MRPL50: variants seen among roughly 807,000 people sequenced by gnomAD.
MRPL50 encodes the protein large ribosomal subunit protein mL50.
In MRPL50, 10 loss-of-function variants were observed where a neutral mutation model predicts 16.2. That is an observed-to-expected ratio of 0.62 (90% CI 0.38 to 1.05). The LOEUF is 1.05. Ranked by LOEUF, MRPL50 falls within the 50% of genes least tolerant of loss-of-function variation. MRPL50 has a pLI of 0.01. For synonymous variants in MRPL50, 68 were observed against 66.8 expected, an observed-to-expected ratio of 1.02 and a Z score of -0.09; for missense variants, 213 against 187.1, an observed-to-expected ratio of 1.14 and a Z score of -0.81.
chr9:101,393,426 T>C (rs1830298809), intron 1 of MRPL50, among the ~76,000 whole-genome samples: 1 of 152,106 alleles, frequency 6.6e-6, no homozygotes, highest in Non-Finnish European at 1.5e-5. Flanking sequence ...AGAAGTCAAA[T>C]TGTTCTTATT....
intron 1 of MRPL50, among the ~76,000 whole-genome samples, chr9:101,396,122 C>T (rs1830336705): frequency 6.6e-6 from 1 of 152,088 alleles, no homozygotes; most frequent in Non-Finnish European, 1.5e-5. Context: ...ACCTCATACC[C>T]ATTAGGATGG....
chr9:101,390,096 A>C lies in MRPL50; in HGVS notation c.*370T>G, dbSNP rs1830249721. 2 of 1,011,082 alleles carry C rather than the reference A, an allele frequency of 2.0e-6. No individual in the cohort carries two copies. Among genetic ancestry groups the C allele is most frequent in the African/African-American group, 3.5e-5 (2 of 57,472 alleles). 62.6% of individuals were successfully genotyped at this position (1,011,082 alleles called of 1,614,324 possible). On this transcript the variant is annotated 3_prime_UTR_variant, in exon 2 of 2. Transcript: ENST00000374865. ...TTTATTTGTGTATGTGCAATGCATA[A>C]CTCTATCTTAGATATGAATCCTAAC...
At chr9:101,394,551 G>T (rs1339481217) in intron 1 of MRPL50, among the ~76,000 whole-genome samples, 1 of 152,170 alleles carries the variant, frequency 6.6e-6, no homozygotes, top group East Asian at 1.9e-4. Context: ...CGGGGAGACA[G>T]ATTTGACTAA....
In MRPL50 at chr9:101,389,927, C is replaced by T. The variant is rs41307485; in HGVS notation, c.*539G>A. ...ACTGGAAAGAAATGGCAAGGCAGAG[C>T]GCAAGCAAATTTCACTTAAAAAATT... On this transcript the variant is annotated 3_prime_UTR_variant, in exon 2 of 2. Coordinates refer to ENST00000374865, the MANE Select transcript of MRPL50 (RefSeq NM_019051.3). 7,785 of 824,728 alleles carry T rather than the reference C, an allele frequency of 9.4e-3. 45 individuals are homozygous for T. Among genetic ancestry groups the T allele is most frequent in the Non-Finnish European group, 0.01 (6,966 of 683,528 alleles). The allele number at this position is 824,728 out of a possible 1,614,324, so 51.1% of individuals were successfully genotyped here.
chr9:101,397,863 C>T (rs1327915734), intron 1 of MRPL50, among the ~76,000 whole-genome samples: 3 of 152,138 alleles, frequency 2.0e-5, no homozygotes, highest in Non-Finnish European at 4.4e-5. Flanking sequence ...ATGGTGCAGC[C>T]GTGCAGCAGA....
intron 1 of MRPL50, among the ~76,000 whole-genome samples, chr9:101,391,862 C>T (rs900852545): frequency 3.3e-5 from 5 of 152,042 alleles, no homozygotes; most frequent in East Asian, 1.9e-4. Context: ...CCAACTGCTG[C>T]AGAATACATA....
At position 101,398,370 on chromosome 9, in the gene MRPL50, C is replaced by T. The variant is rs1588151262; in HGVS notation, c.92+131G>A. 3 of 799,216 alleles carry T rather than the reference C, an allele frequency of 3.8e-6. No homozygotes were observed. In the African/African-American group the frequency reaches 5.1e-5, roughly 14 times the overall value. The allele number at this position is 799,216 out of a possible 1,614,324, so 49.5% of individuals were successfully genotyped here. A position where few individuals can be genotyped will look rare whatever the true frequency, so the allele number is the denominator to read the frequency against. ...AATGAGTGCTTCTCAACTCGGGACC[C>T]TAACCGGACCTCCTTGTCCTTGCTC... On this transcript the variant is annotated intron_variant, in intron 1 of 1. Coordinates refer to ENST00000374865, the MANE Select transcript of MRPL50 (RefSeq NM_019051.3).
At position 101,392,200 on chromosome 9, in the gene MRPL50, T is replaced by C. The variant is rs1000846645; in HGVS notation, c.93-1350A>G. 2.0e-5 allele frequency among the ~76,000 whole-genome samples: 3 copies of C among 151,828 alleles called. No individual in the cohort carries two copies. In the East Asian group the frequency reaches 5.8e-4, roughly 29 times the overall value. On this transcript the variant is annotated intron_variant, in intron 1 of 1. Coordinates refer to ENST00000374865, the MANE Select transcript of MRPL50 (RefSeq NM_019051.3). ...AGGGAAGCTTATAGTAATAAACATC[T>C]ACATGAAAAAAGAAAAACTTCACAT...
chr9:101,396,101 A>AAATAAT (rs1830336447), intron 1 of MRPL50, among the ~76,000 whole-genome samples: 1 of 152,214 alleles, frequency 6.6e-6, no homozygotes, highest in Non-Finnish European at 1.5e-5. Flanking sequence ...AAAAAATTAC[A>AAATAAT]AATAAACATC....
intron 1 of MRPL50, among the ~76,000 whole-genome samples, chr9:101,395,870 G>A (rs1049731333): frequency 6.6e-6 from 1 of 152,124 alleles, no homozygotes; most frequent in African/African-American, 2.4e-5. Flanking sequence ...GTAAGTTCTA[G>A]TGTTTGATTT....
intron 1 of MRPL50, among the ~76,000 whole-genome samples, chr9:101,398,031 G>A (rs1293065041): frequency 1.3e-5 from 2 of 152,148 alleles, no homozygotes; most frequent in Non-Finnish European, 2.9e-5. Flanking sequence ...TTTTCCTGCT[G>A]TATCCTAGGC....
In MRPL50 at chr9:101,389,547, G is replaced by C; in HGVS notation, c.*919C>G. The C allele has an allele frequency of 4.6e-6, 5 of 1,091,552 alleles. No homozygotes were observed. The highest frequency in any genetic ancestry group is 6.1e-6 in the Non-Finnish European group (5 of 813,512). 67.6% of individuals were successfully genotyped at this position (1,091,552 alleles called of 1,614,324 possible). A position where few individuals can be genotyped will look rare whatever the true frequency, so the allele number is the denominator to read the frequency against. On this transcript the variant is annotated 3_prime_UTR_variant, in exon 2 of 2. Coordinates refer to ENST00000374865, the MANE Select transcript of MRPL50 (RefSeq NM_019051.3). The stretch of plus-strand genomic sequence containing the variant: ...AAAACCCTTCTATCACTTTTCTTTA[G>C]GAATTGTCAGCAGTCAGAACAATAT...
chr9:101,396,525 T>A lies in MRPL50; in HGVS notation c.92+1976A>T, dbSNP rs77775622. Among the ~76,000 whole-genome samples the A allele has an allele frequency of 6.9e-3, 1,045 of 152,254 alleles. 6 individuals are homozygous for A. Among genetic ancestry groups the A allele is most frequent in the Non-Finnish European group, 0.012 (792 of 68,022 alleles). On this transcript the variant is annotated intron_variant, in intron 1 of 1. Transcript: ENST00000374865. ...CTTGCATATATACACACACAAAAAA[T>A]GGCATTTTATTCAGCCTTAAAAAAG...
At position 101,390,670 on chromosome 9, in the gene MRPL50, C is replaced by T; in HGVS notation, c.273G>A (p.Leu91=). 6.2e-7 allele frequency: 1 copy of T among 1,613,404 alleles called. No homozygotes were observed. Among genetic ancestry groups the T allele is most frequent in the Non-Finnish European group, 8.5e-7 (1 of 1,179,526 alleles). ...GATTGAACTTTAGACGACTATCTTC[C>T]AGGGAGATGTCTTGCCAATTACTAG... ...SLPSNWQDIS[L]EDSRLKFNLL... Residue 91 remains leucine, a synonymous_variant, in exon 2 of 2, where the codon CTG becomes CTA. Transcript: ENST00000374865.
chr9:101,392,076 A>G (rs368804796), intron 1 of MRPL50, among the ~76,000 whole-genome samples: 2 of 152,114 alleles, frequency 1.3e-5, no homozygotes, highest in African/African-American at 4.8e-5. Context: ...CAATGAGTCA[A>G]TGATGAAATT....
intron 1 of MRPL50, among the ~76,000 whole-genome samples, chr9:101,396,222 A>G (rs1830338009): frequency 6.6e-6 from 1 of 152,210 alleles, no homozygotes; most frequent in South Asian, 2.1e-4. Context: ...CATAGCCATT[A>G]TAAAAAACAG....
Position 101,388,823 on chromosome 9 carries a change from T to C in MRPL50, c.*1643A>G, listed in dbSNP as rs1345279143. 2 of 152,182 alleles carry C rather than the reference T, an allele frequency of 1.3e-5. No homozygotes were observed. The highest frequency in any genetic ancestry group is 6.5e-5 in the Admixed American group (1 of 15,270). The allele number at this position is 152,182 out of a possible 1,614,324, so 9.4% of individuals were successfully genotyped here. A position where few individuals can be genotyped will look rare whatever the true frequency, so the allele number is the denominator to read the frequency against. On this transcript the variant is annotated 3_prime_UTR_variant, in exon 2 of 2. Transcript: ENST00000374865. ...AAGATGACTGCATCTGTACTGAATA[T>C]GTATACTTTTTTTCCTTCTCATTAT... is the stretch of plus-strand genomic sequence containing the variant.
Position 101,390,812 on chromosome 9 carries a change from T to C in MRPL50, c.131A>G (p.Glu44Gly), listed in dbSNP as rs1437673954. Residue 44 changes from glutamate (E) to glycine (G), a missense_variant, in exon 2 of 2, where the codon GAG becomes GGG. Coordinates refer to ENST00000374865, the MANE Select transcript of MRPL50 (RefSeq NM_019051.3). ...ACACACTAGGATAGGTTCCTTTTTC[T>C]CTTCTACTGTCTCAACAACCACTGG... is the stretch of plus-strand genomic sequence containing the variant. ...KEPVVVETVE[E>G]KKEPILVCPP... The C allele has an allele frequency of 1.9e-6, 3 of 1,607,850 alleles. No homozygotes were observed. The highest frequency in any genetic ancestry group is 2.5e-6 in the Non-Finnish European group (3 of 1,177,906).
intron 1 of MRPL50, 87 bp downstream of exon 1, chr9:101,398,414 C>T (rs1159015879): frequency 9.2e-6 from 12 of 1,306,828 alleles, no homozygotes; most frequent in Middle Eastern, 1.8e-4. Context: ...CGCGGGACCA[C>T]GATGGCGTAA....
Sources: gnomAD v4.1 joint callset for allele counts (sites outside exome capture counted in the v4.1 genomes callset) on GRCh38, gnomAD v4.1.1 for gene constraint, MANE v1.5 for transcripts, NCBI Gene and HGNC (gene_info 2026-07-23, HGNC 2026-07-21) for gene names.